The following LRP4 variants were observed in gnomAD, a reference collection of about 807,000 sequenced individuals.
LRP4 encodes the protein LDL receptor related protein 4, also known as low-density lipoprotein receptor-related protein 4.
A neutral mutation model predicts 220.3 loss-of-function variants in LRP4; 95 were observed. The observed-to-expected ratio is 0.43, with a 90% CI of 0.37 to 0.51. The LOEUF (loss-of-function observed/expected upper bound fraction) is 0.51, where lower values mean the gene tolerates loss of function less well. Among genes scored for constraint, LRP4 ranks in the 20% least tolerant of loss-of-function variants. The pLI is 0.00. For missense variants in LRP4, 1,925 were observed against 2,567.0 expected (o/e 0.75, Z 5.40); for synonymous variants, 903 against 954.6 (o/e 0.95, Z 1.00).
chr11:46,903,000 T>A, intron 1 of LRP4, 71 bp from the exon 2 acceptor site: 1 of 1,584,668 alleles, frequency 6.3e-7, no homozygotes, highest in Non-Finnish European at 8.6e-7. Context: ...GAGGGGAAAG[T>A]AGAGGAGCCT....
intron 1 of LRP4, among the ~76,000 whole-genome samples, chr11:46,916,941 C>G (rs915148577): frequency 6.6e-6 from 1 of 152,120 alleles, no homozygotes; most frequent in Non-Finnish European, 1.5e-5. Context: ...AGGAGAGAGC[C>G]GGGGAGGGGA....
intron 7 of LRP4, 123 bp from the exon 8 acceptor site, chr11:46,897,117 CTATA>C: frequency 8.0e-7 from 1 of 1,250,108 alleles, no homozygotes; most frequent in Non-Finnish European, 1.2e-6. Context: ...CACAGCTGGT[CTATA>C]TAGTGTCTTT....
chr11:46,896,148 A>C, intron 9 of LRP4, 62 bp downstream of exon 9: 1 of 1,611,352 alleles, frequency 6.2e-7, no homozygotes, highest in South Asian at 1.1e-5. Flanking sequence ...ATTCCCTTTG[A>C]ACCCTATGGG....
intron 17 of LRP4, 61 bp from the exon 18 acceptor site, chr11:46,886,233 C>T (rs956568773): frequency 1.1e-5 from 18 of 1,600,654 alleles, no homozygotes; most frequent in Middle Eastern, 1.7e-4. Flanking sequence ...GGAGCCCAAA[C>T]TCCACCAATT....
Position 46,879,111 on chromosome 11 carries a change from C to G in LRP4, c.3004+15G>C, listed in dbSNP as rs1240004713. ...AGGGCCACGGAGAAGCCAATGCGAG[C>G]CAAGGGCTGCTCACCTGGGGGCCGG... On this transcript the variant is annotated intron_variant, in intron 21 of 37. Transcript: ENST00000378623. 6.2e-7 allele frequency: 1 copy of G among 1,614,214 alleles called. No homozygotes were observed. Among genetic ancestry groups the G allele is most frequent in the Non-Finnish European group, 8.5e-7 (1 of 1,180,018 alleles).
Position 46,881,576 on chromosome 11 carries a change from C to G in LRP4, c.2814+126G>C, listed in dbSNP as rs1352861899. 4 of 926,850 alleles carry G rather than the reference C, an allele frequency of 4.3e-6. No homozygotes were observed. The Admixed American group carries it at 7.1e-5, about 16-fold the overall frequency. The allele number at this position is 926,850 out of a possible 1,614,324, so 57.4% of individuals were successfully genotyped here. ...GAAACAGCACATGCCCCATGCTGGT[C>G]CCATAACCTCCAGATCCCCTTATCT... is the stretch of plus-strand genomic sequence containing the variant. On this transcript the variant is annotated intron_variant, in intron 20 of 37. Coordinates refer to ENST00000378623, the MANE Select transcript of LRP4 (RefSeq NM_002334.4).
At position 46,895,149 on chromosome 11, in the gene LRP4, G is replaced by A. The variant is rs1941498655; in HGVS notation, c.1309+17C>T. 2 of 1,613,502 alleles carry A rather than the reference G, an allele frequency of 1.2e-6. No individual in the cohort carries two copies. The highest frequency in any genetic ancestry group is 1.7e-6 in the Non-Finnish European group (2 of 1,180,036). ...CTCGGCCCTCTGCCCACCCAGCCAA[G>A]TGCCAACAGCCCTTACCCAGAGCCT... On this transcript the variant is annotated intron_variant, in intron 11 of 37. Coordinates refer to ENST00000378623, the MANE Select transcript of LRP4 (RefSeq NM_002334.4).
chr11:46,863,959 TAAAG>T (rs1940627559), intron 36 of LRP4, among the ~76,000 whole-genome samples: 1 of 152,066 alleles, frequency 6.6e-6, no homozygotes, highest in African/African-American at 2.4e-5. Context: ...GGGGAAAATA[TAAAG>T]AAAGAGGGAC....
chr11:46,863,873 C>T (rs985316843), intron 36 of LRP4, among the ~76,000 whole-genome samples: 2 of 152,024 alleles, frequency 1.3e-5, no homozygotes, highest in South Asian at 4.2e-4. Flanking sequence ...TGATATATAT[C>T]CATTAATGGT....
Position 46,883,966 on chromosome 11 carries a change from C to T in LRP4, c.2517G>A (p.Arg839=). ...KLYWTDAGTD[R]IEVANTDGSM... ...TGCCATCTGTGTTGGCTACTTCAAT[C>T]CGGTCTGTACCTATCAAGAAGGGAT... The change falls in exon 19 of 38, where the codon CGG becomes CGA. Residue 839 remains arginine (R), a synonymous_variant. Transcript: ENST00000378623. The T allele has an allele frequency of 1.2e-6, 2 of 1,613,190 alleles. No individual in the cohort carries two copies. The highest frequency in any genetic ancestry group is 1.7e-6 in the Non-Finnish European group (2 of 1,179,120).
chr11:46,901,345 C>T (rs1478638225), intron 2 of LRP4, among the ~76,000 whole-genome samples: 1 of 152,270 alleles, frequency 6.6e-6, no homozygotes, highest in East Asian at 1.9e-4. Context: ...CACACCCGGG[C>T]TCAATTTCCA....
intron 13 of LRP4, among the ~76,000 whole-genome samples, chr11:46,892,471 C>G (rs866278355): frequency 6.6e-6 from 1 of 151,030 alleles, no homozygotes; most frequent in Non-Finnish European, 1.5e-5. Flanking sequence ...ACAAGGCAGA[C>G]AGAGATTAAC....
At chr11:46,876,147 C>T (rs1941009235) in intron 25 of LRP4, among the ~76,000 whole-genome samples, 181 bp from the exon 26 acceptor site, 1 of 152,140 alleles carries the variant, frequency 6.6e-6, no homozygotes, top group Non-Finnish European at 1.5e-5. Flanking sequence ...ATAAGGGCCA[C>T]AAGGTATGTA....
At chr11:46,862,916 G>A (rs1315063993) in intron 36 of LRP4, 169 bp from the exon 37 acceptor site, 2 of 656,688 alleles carry the variant, frequency 3.0e-6, no homozygotes, top group Admixed American at 4.8e-5. Flanking sequence ...GACTGTTCTG[G>A]TGACTTACTT....
Position 46,869,016 on chromosome 11 carries a change from G to T in LRP4, c.4809C>A (p.Ile1603=). 6.2e-7 allele frequency: 1 copy of T among 1,614,184 alleles called. No homozygotes were observed. ...VLANVEGLMD[I]IVVSPQRQTG... ...TCTGCCGCTGAGGGGAAACCACGAT[G>T]ATATCCATGAGTCCTTCCACATTTG... Residue 1603 remains isoleucine (I), a synonymous_variant, in exon 32 of 38, where the codon ATC becomes ATA. Coordinates refer to ENST00000378623, the MANE Select transcript of LRP4 (RefSeq NM_002334.4).
chr11:46,907,340 G>A lies in LRP4; in HGVS notation c.53-4411C>T, dbSNP rs1327873682. ...TCCAGCTTTTGGGATATATGTTAAT[G>A]TGCTCATAGGATGTTTCTCTAGAGG... On this transcript the variant is annotated intron_variant, in intron 1 of 37. Coordinates refer to ENST00000378623, the MANE Select transcript of LRP4 (RefSeq NM_002334.4). Among the ~76,000 whole-genome samples the A allele has an allele frequency of 2.0e-5, 3 of 152,166 alleles. No homozygotes were observed. In the East Asian group the frequency reaches 5.8e-4, roughly 29 times the overall value.
At chr11:46,896,778 A>G in intron 8 of LRP4, 91 bp downstream of exon 8, 1 of 1,594,242 alleles carries the variant, frequency 6.3e-7, no homozygotes, top group Non-Finnish European at 8.6e-7. Context: ...TAAAACCTCA[A>G]CCCAACTGGA....
At chr11:46,869,216 T>A in intron 31 of LRP4, 84 bp from the exon 32 acceptor site, 1 of 1,308,732 alleles carries the variant, frequency 7.6e-7, no homozygotes, top group South Asian at 1.3e-5. Flanking sequence ...CCTCACCATG[T>A]GCCACTGCCT....
At position 46,878,935 on chromosome 11, in the gene LRP4, C is replaced by T. The variant is rs1350939348; in HGVS notation, c.3108G>A (p.Leu1036=). ...FSCTCPTGIN[L]LSDGKTCSPG... is the part of the protein sequence containing the mutation. ...GTGAGCAGGTCTTGCCATCAGACAG[C>T]AGGTTGATGCCTGTGGGGCAGGTAC... The change falls in exon 22 of 38, where the codon CTG becomes CTA. Residue 1036 remains leucine (L), a synonymous_variant. Transcript: ENST00000378623. The T allele has an allele frequency of 1.2e-6, 2 of 1,614,112 alleles. No individual in the cohort carries two copies. The highest frequency in any genetic ancestry group is 1.3e-5 in the African/African-American group (1 of 74,944).
Sources: gnomAD v4.1 joint callset for allele counts (sites outside exome capture counted in the v4.1 genomes callset) on GRCh38, gnomAD v4.1.1 for gene constraint, MANE v1.5 for transcripts, NCBI Gene and HGNC (gene_info 2026-07-23, HGNC 2026-07-21) for gene names.